TPD52L1: variants seen among roughly 807,000 people sequenced by gnomAD.
TPD52L1 encodes TPD52 like 1.
Under a neutral mutation model 28.7 loss-of-function variants are expected in TPD52L1, and 18 were observed. The ratio of observed to expected loss-of-function variants is 0.63; its 90% confidence interval spans 0.43 to 0.93. TPD52L1 has a LOEUF of 0.93. Ranked by LOEUF, TPD52L1 falls within the 40% of genes least tolerant of loss-of-function variation. TPD52L1 has a pLI of 0.00. For synonymous variants in TPD52L1, 75 were observed against 88.8 expected, an observed-to-expected ratio of 0.84 and a Z score of 0.88; for missense variants, 203 against 254.8, an observed-to-expected ratio of 0.80 and a Z score of 1.39.
intron 1 of TPD52L1, among the ~76,000 whole-genome samples, chr6:125,186,390 T>C (rs151196772): frequency 2.6e-5 from 4 of 152,274 alleles, no homozygotes; most frequent in African/African-American, 9.6e-5. Context: ...AAATAGGCCA[T>C]GGGTGGATTT....
chr6:125,206,913 G>A (rs1794184467), intron 1 of TPD52L1, among the ~76,000 whole-genome samples: 1 of 152,116 alleles, frequency 6.6e-6, no homozygotes, highest in Non-Finnish European at 1.5e-5. Flanking sequence ...AAAATTAAAG[G>A]GTTATTTATT....
At chr6:125,178,658 A>AATATATATATATATATATATATAT (rs766185303) in intron 1 of TPD52L1, among the ~76,000 whole-genome samples, 3 of 147,982 alleles carry the variant, frequency 2.0e-5, no homozygotes, top group African/African-American at 7.5e-5. Context: ...AACAAAACAA[A>AATATATATATATATATATATATAT]ATATATATAT....
intron 1 of TPD52L1, among the ~76,000 whole-genome samples, chr6:125,172,130 T>G (rs1472995209): frequency 2.7e-5 from 2 of 74,592 alleles, no homozygotes; most frequent in African/African-American, 1.4e-4. Flanking sequence ...CTTTCTTTCT[T>G]TCTTTCTTTC....
intron 1 of TPD52L1, among the ~76,000 whole-genome samples, chr6:125,218,843 A>G (rs961868303): frequency 6.6e-6 from 1 of 152,250 alleles, no homozygotes; most frequent in Admixed American, 6.5e-5. Context: ...TTGTCACACG[A>G]CCATGAAAGA....
intron 1 of TPD52L1, among the ~76,000 whole-genome samples, chr6:125,205,203 A>G (rs1195190142): frequency 2.6e-5 from 4 of 152,188 alleles, no homozygotes; most frequent in Non-Finnish European, 5.9e-5. Flanking sequence ...CAATTTCTGG[A>G]CCTAAGAAAA....
chr6:125,221,079 A>T (rs73577793), intron 2 of TPD52L1, among the ~76,000 whole-genome samples: 1,943 of 152,038 alleles, frequency 0.013, 7 homozygotes, highest in African/African-American at 0.018. Context: ...CACTTTGTCC[A>T]CTCTGAACTC....
chr6:125,161,028 T>G (rs965358632), intron 1 of TPD52L1, among the ~76,000 whole-genome samples: 2 of 152,060 alleles, frequency 1.3e-5, no homozygotes, highest in African/African-American at 4.8e-5. Context: ...AATTTTTGTG[T>G]TTTTAGTAGA....
At chr6:125,216,642 A>C (rs3823224) in intron 1 of TPD52L1, among the ~76,000 whole-genome samples, 1 of 149,672 alleles carries the variant, frequency 6.7e-6, no homozygotes, top group Admixed American at 6.7e-5. Flanking sequence ...ATTTTTGGGT[A>C]ATATGATTAA....
chr6:125,155,190 T>C (rs1308573110), intron 1 of TPD52L1, among the ~76,000 whole-genome samples: 2 of 152,194 alleles, frequency 1.3e-5, no homozygotes, highest in Non-Finnish European at 2.9e-5. Flanking sequence ...GTGAGGGCAG[T>C]TGGTCAAATT....
At chr6:125,231,631 T>C in intron 3 of TPD52L1, among the ~76,000 whole-genome samples, 1 of 119,954 alleles carries the variant, frequency 8.3e-6, no homozygotes, top group South Asian at 2.8e-4. Context: ...GTTGTTGTTG[T>C]TGTTTGTTTG....
intron 1 of TPD52L1, among the ~76,000 whole-genome samples, chr6:125,218,360 T>A (rs1181822020): frequency 1.3e-5 from 2 of 152,206 alleles, no homozygotes; most frequent in African/African-American, 4.8e-5. Flanking sequence ...TTCAGTGAAG[T>A]CAAGCATGCT....
chr6:125,211,320 T>C (rs1210201785), intron 1 of TPD52L1, among the ~76,000 whole-genome samples: 2 of 150,844 alleles, frequency 1.3e-5, no homozygotes, highest in African/African-American at 2.4e-5. Flanking sequence ...GTAACACATA[T>C]GTTAAAGATG....
chr6:125,155,529 A>G (rs902796086), intron 1 of TPD52L1, among the ~76,000 whole-genome samples: 5 of 152,228 alleles, frequency 3.3e-5, no homozygotes, highest in African/African-American at 7.2e-5. Context: ...TACTTAACAA[A>G]TATTTCAGTG....
At position 125,248,312 on chromosome 6, in the gene TPD52L1, C is replaced by T. The variant is rs141489966; in HGVS notation, c.315C>T (p.His105=). ...AGAAAACACATGAAACCCTGAGTCA[C>T]GCAGGGCAAAAGGCAACTGCAGCTT... ...AYKKTHETLS[H]AGQKATAAFS... is the part of the protein sequence containing the mutation. Residue 105 remains histidine (H), a synonymous_variant, in exon 4 of 7, where the codon CAC becomes CAT. Transcript: ENST00000534000. The T allele has an allele frequency of 3.0e-4, 486 of 1,613,928 alleles. No homozygotes were observed. The highest frequency in any genetic ancestry group is 6.9e-4 in the South Asian group (63 of 91,080).
rs145378164 is a variant in TPD52L1 at position 125,219,667 on chromosome 6, ACT to A, written c.20-407_20-406del. ...AAGGTATTTATTTCTAGTTCACCTG[ACT>A]CTCAGGGTGCAGCCCTTGGGGCCTA... is the stretch of plus-strand genomic sequence containing the variant. On this transcript the variant is annotated intron_variant, in intron 1 of 6. Coordinates refer to ENST00000534000, the MANE Select transcript of TPD52L1 (RefSeq NM_003287.4). Among the ~76,000 whole-genome samples the A allele has an allele frequency of 1.1e-3, 162 of 152,150 alleles. 2 individuals carry two copies. The East Asian group carries it at 0.027, about 25-fold the overall frequency.
At chr6:125,160,850 CTT>C (rs57061570) in intron 1 of TPD52L1, among the ~76,000 whole-genome samples, 17 of 129,406 alleles carry the variant, frequency 1.3e-4, no homozygotes, top group East Asian at 2.2e-4. Flanking sequence ...ACAGAGATGA[CTT>C]TTTTTTTTTT....
At position 125,154,753 on chromosome 6, in the gene TPD52L1, A is replaced by G. The variant is rs548012761; in HGVS notation, c.19+783A>G. Among the ~76,000 whole-genome samples, 29 of 152,220 alleles carry G rather than the reference A, an allele frequency of 1.9e-4. No individual in the cohort carries two copies. In the South Asian group the frequency reaches 6.0e-3, roughly 32 times the overall value. On this transcript the variant is annotated intron_variant, in intron 1 of 6. Transcript: ENST00000534000. ...GTAAACGGACCGTGGAAAGGGGCAG[A>G]GGTGGGCGGATGTGGAGCGAGAGAC...
chr6:125,177,475 C>T (rs1482334387), intron 1 of TPD52L1, among the ~76,000 whole-genome samples: 1 of 152,148 alleles, frequency 6.6e-6, no homozygotes, highest in Non-Finnish European at 1.5e-5. Context: ...AATACAATCT[C>T]CACATTTTGT....
chr6:125,226,033 G>A lies in TPD52L1; in HGVS notation c.136-3085G>A, dbSNP rs373613778. Reference sequence around the variant, plus strand: ...GTAAGTAAAGACCTCATTGTGGCAGGACTCTTGGTTCTGTACAAAGAGAGG... The same window carrying A: ...GTAAGTAAAGACCTCATTGTGGCAGAACTCTTGGTTCTGTACAAAGAGAGG... On this transcript the variant is annotated intron_variant, in intron 2 of 6. Transcript: ENST00000534000. Among the ~76,000 whole-genome samples, 3 of 152,150 alleles carry A rather than the reference G, an allele frequency of 2.0e-5. No homozygotes were observed. The South Asian group carries it at 6.2e-4, about 32-fold the overall frequency.
Sources: gnomAD v4.1 joint callset for allele counts (sites outside exome capture counted in the v4.1 genomes callset) on GRCh38, gnomAD v4.1.1 for gene constraint, MANE v1.5 for transcripts, NCBI Gene and HGNC (gene_info 2026-07-23, HGNC 2026-07-21) for gene names.